The following ATP8A1 variants were observed in gnomAD, a reference collection of about 807,000 sequenced individuals.
ATP8A1 encodes phospholipid-transporting ATPase IA.
Under a neutral mutation model 177.7 loss-of-function variants are expected in ATP8A1, and 90 were observed. The ratio of observed to expected loss-of-function variants is 0.51; its 90% confidence interval spans 0.43 to 0.60. The LOEUF (loss-of-function observed/expected upper bound fraction) is 0.60, where lower values mean the gene tolerates loss of function less well. Ranked by LOEUF, ATP8A1 falls within the 20% of genes least tolerant of loss-of-function variation. ATP8A1 has a pLI of 0.00. For missense variants in ATP8A1, 1,072 were observed against 1,392.8 expected (o/e 0.77, Z 3.67); for synonymous variants, 493 against 485.9 (o/e 1.01, Z -0.19).
intron 33 of ATP8A1, among the ~76,000 whole-genome samples, chr4:42,435,456 A>AAAAAAAAAAAAC (rs1560320569): frequency 1.4e-4 from 14 of 101,058 alleles, no homozygotes; most frequent in African/African-American, 4.2e-4. Flanking sequence ...AAAACAAAAA[A>AAAAAAAAAAAAC]AAAAAAACAA....
chr4:42,435,584 T>C (rs950279863), intron 33 of ATP8A1, among the ~76,000 whole-genome samples: 6 of 152,174 alleles, frequency 3.9e-5, no homozygotes, highest in Non-Finnish European at 1.5e-5. Flanking sequence ...CACACTAGAA[T>C]GCTGGGCCTG....
At chr4:42,610,969 T>C (rs1223364786) in intron 5 of ATP8A1, among the ~76,000 whole-genome samples, 1 of 152,232 alleles carries the variant, frequency 6.6e-6, no homozygotes, top group Non-Finnish European at 1.5e-5. Flanking sequence ...GTTGCTATTT[T>C]AAGTCCCTTA....
At chr4:42,555,717 G>A (rs531891768) in intron 16 of ATP8A1, among the ~76,000 whole-genome samples, 2 of 152,212 alleles carry the variant, frequency 1.3e-5, no homozygotes, top group East Asian at 3.9e-4. Context: ...CAGCTACTGG[G>A]GAGGCTGAGG....
In ATP8A1 at chr4:42,443,610, T is replaced by C. The variant is rs931278936; in HGVS notation, c.3078A>G (p.Ser1026=). The change falls in exon 33 of 37, where the codon TCA becomes TCG. Residue 1026 remains serine (S), a synonymous_variant. Coordinates refer to ENST00000381668, the MANE Select transcript of ATP8A1 (RefSeq NM_006095.2). ...ALWVVFFGIY[S]SLWPAIPMAP... ...CCATCGGAATGGCAGGCCACAGAGA[T>C]GAGTAGATTCCAAAAAACACCACCC... 4 of 1,550,816 alleles carry C rather than the reference T, an allele frequency of 2.6e-6. No individual in the cohort carries two copies. The highest frequency in any genetic ancestry group is 1.7e-5 in the Admixed American group (1 of 59,938).
chr4:42,517,562 C>A (rs182363749), intron 22 of ATP8A1, among the ~76,000 whole-genome samples: 1 of 152,154 alleles, frequency 6.6e-6, no homozygotes, highest in East Asian at 1.9e-4. Flanking sequence ...ACTGAAATAT[C>A]CCATATGATA....
At chr4:42,610,396 GGAGA>G (rs1268757726) in intron 5 of ATP8A1, among the ~76,000 whole-genome samples, 1 of 152,024 alleles carries the variant, frequency 6.6e-6, no homozygotes, top group African/African-American at 2.4e-5. Context: ...GGCAAAAACA[GGAGA>G]GAGAAAAATT....
intron 8 of ATP8A1, among the ~76,000 whole-genome samples, chr4:42,587,160 C>T (rs916284498): frequency 2.0e-5 from 3 of 152,006 alleles, no homozygotes; most frequent in Non-Finnish European, 4.4e-5. Context: ...TAAACTATTC[C>T]CCAAGATGAG....
intron 25 of ATP8A1, among the ~76,000 whole-genome samples, chr4:42,485,164 T>C (rs1475786241): frequency 2.0e-5 from 3 of 152,164 alleles, no homozygotes; most frequent in Admixed American, 6.5e-5. Context: ...AAATAAGTCT[T>C]AGCAGCTGGA....
chr4:42,509,647 T>G (rs1488920976), intron 22 of ATP8A1, among the ~76,000 whole-genome samples: 1 of 152,058 alleles, frequency 6.6e-6, no homozygotes, highest in African/African-American at 2.4e-5. Context: ...GATCACGAGA[T>G]CGAGACCATC....
At chr4:42,433,405 C>T (rs966602584) in intron 33 of ATP8A1, among the ~76,000 whole-genome samples, 1 of 152,152 alleles carries the variant, frequency 6.6e-6, no homozygotes, top group South Asian at 2.1e-4. Context: ...ACTTTTGATC[C>T]ACTGAACCCG....
intron 4 of ATP8A1, among the ~76,000 whole-genome samples, chr4:42,622,731 T>A (rs11728847): frequency 6.6e-6 from 1 of 152,000 alleles, no homozygotes; most frequent in African/African-American, 2.4e-5. Flanking sequence ...GGAAAAGGGC[T>A]GGGTGCAGTG....
chr4:42,636,383 C>T (rs1453575132), intron 1 of ATP8A1, among the ~76,000 whole-genome samples: 1 of 146,704 alleles, frequency 6.8e-6, no homozygotes, highest in African/African-American at 2.5e-5. Flanking sequence ...AGCCTGACAG[C>T]AGCTGTTCAG....
intron 15 of ATP8A1, among the ~76,000 whole-genome samples, chr4:42,567,317 T>A (rs1273976238): frequency 1.3e-5 from 2 of 152,188 alleles, no homozygotes; most frequent in African/African-American, 2.4e-5. Flanking sequence ...GGCGGGCGGA[T>A]AACCTGAGGT....
intron 25 of ATP8A1, among the ~76,000 whole-genome samples, chr4:42,470,919 C>A (rs946261287): frequency 6.6e-6 from 1 of 152,132 alleles, no homozygotes. Context: ...CAGTGTATTT[C>A]CAACTGACTC....
intron 16 of ATP8A1, among the ~76,000 whole-genome samples, chr4:42,555,476 T>G (rs113686627): frequency 6.6e-6 from 1 of 152,096 alleles, no homozygotes; most frequent in African/African-American, 2.4e-5. Flanking sequence ...ATAACCACCA[T>G]GAATTAATGT....
intron 20 of ATP8A1, among the ~76,000 whole-genome samples, chr4:42,541,094 C>G (rs533565766): frequency 1.3e-5 from 2 of 151,960 alleles, no homozygotes; most frequent in African/African-American, 4.8e-5. Context: ...TCACTGCCCT[C>G]CAGCCTAGGT....
chr4:42,615,151 A>C (rs1415745388), intron 5 of ATP8A1, among the ~76,000 whole-genome samples: 1 of 152,230 alleles, frequency 6.6e-6, no homozygotes, highest in African/African-American at 2.4e-5. Flanking sequence ...ATGTTCCATA[A>C]TAAAATACTC....
intron 22 of ATP8A1, among the ~76,000 whole-genome samples, chr4:42,512,514 A>G (rs1229361655): frequency 6.6e-6 from 1 of 152,182 alleles, no homozygotes. Flanking sequence ...CGGGGATACA[A>G]TAGTGAGTTC....
intron 2 of ATP8A1, 57 bp from the exon 3 acceptor site, chr4:42,625,770 T>TA (rs1738000514): frequency 1.9e-6 from 2 of 1,057,484 alleles, no homozygotes; most frequent in African/African-American, 3.2e-5. Context: ...CACCCACACT[T>TA]ACAAAGTTCT....
Sources: gnomAD v4.1 joint callset for allele counts (sites outside exome capture counted in the v4.1 genomes callset) on GRCh38, gnomAD v4.1.1 for gene constraint, MANE v1.5 for transcripts, NCBI Gene and HGNC (gene_info 2026-07-23, HGNC 2026-07-21) for gene names.